The following FBN1 variants were observed in gnomAD, a reference collection of about 807,000 sequenced individuals.
FBN1 encodes fibrillin-1.
In FBN1, 29 loss-of-function variants were observed where a neutral mutation model predicts 365.1. That is an observed-to-expected ratio of 0.08 (90% CI 0.06 to 0.11). The LOEUF (loss-of-function observed/expected upper bound fraction) is 0.11. Among genes scored for constraint, FBN1 ranks in the 10% least tolerant of loss-of-function variants. FBN1 has a pLI of 1.00. For missense variants in FBN1, 2,476 were observed against 3,703.2 expected, an observed-to-expected ratio of 0.67 and a Z score of 8.60; for synonymous variants, 1,210 against 1,270.5, an observed-to-expected ratio of 0.95 and a Z score of 1.01.
At chr15:48,454,962 G>A (rs2043228240) in intron 44 of FBN1, among the ~76,000 whole-genome samples, 1 of 152,214 alleles carries the variant, frequency 6.6e-6, no homozygotes, top group African/African-American at 2.4e-5. Flanking sequence ...TGGAGAAACT[G>A]AGTAGTGTCA....
At chr15:48,502,939 A>G (rs2043673590) in intron 17 of FBN1, among the ~76,000 whole-genome samples, 1 of 152,182 alleles carries the variant, frequency 6.6e-6, no homozygotes, top group Non-Finnish European at 1.5e-5. Context: ...TTCTCTTTTC[A>G]TTAGGCCATG....
intron 2 of FBN1, among the ~76,000 whole-genome samples, chr15:48,631,564 G>T (rs747774850): frequency 6.6e-6 from 1 of 152,176 alleles, no homozygotes; most frequent in Non-Finnish European, 1.5e-5. Flanking sequence ...GTTCAGGCAG[G>T]ACTAACACAT....
intron 6 of FBN1, among the ~76,000 whole-genome samples, chr15:48,561,450 C>G (rs1809770394): frequency 6.6e-6 from 1 of 152,144 alleles, no homozygotes; most frequent in African/African-American, 2.4e-5. Flanking sequence ...ACTGAAAAGT[C>G]TTCCCATAAC....
At chr15:48,421,911 A>G (rs904421206) in intron 61 of FBN1, 41 bp downstream of exon 61, 20 of 1,448,638 alleles carry the variant, frequency 1.4e-5, no homozygotes, top group Middle Eastern at 1.7e-4. Flanking sequence ...CCTTAAAAGA[A>G]TCGCTACAAT....
chr15:48,607,048 G>A (rs2044618383), intron 4 of FBN1, among the ~76,000 whole-genome samples: 1 of 152,082 alleles, frequency 6.6e-6, no homozygotes, highest in Non-Finnish European at 1.5e-5. Flanking sequence ...CCAGCCTCCA[G>A]AACCACGAGC....
chr15:48,425,787 T>C lies in FBN1; in HGVS notation c.7282A>G (p.Ile2428Val), dbSNP rs1452251663. 1 of 1,612,910 alleles carries C rather than the reference T, an allele frequency of 6.2e-7. No homozygotes were observed. Among genetic ancestry groups the C allele is most frequent in the East Asian group, 2.2e-5 (1 of 44,860 alleles). The change falls in exon 59 of 66, where the codon ATT becomes GTT. Residue 2428 changes from isoleucine to valine, a missense_variant. Ile to Val is a conservative substitution (Grantham distance 29, BLOSUM62 3). This residue lies in a region of FBN1 where 1,780 missense variants were observed against 2,840.8 expected (regional missense o/e 0.63). Transcript: ENST00000316623. ...TCTGGAGTGTACCCAGTTTTACAAA[T>C]GCAATGATATGATCCTCTGTCATTG... The part of the protein sequence containing the change: ...CVNDRGSYHC[I>V]CKTGYTPDIT...
At chr15:48,417,398 CTCCT>C (rs1257232240) in intron 63 of FBN1, among the ~76,000 whole-genome samples, 1 of 150,560 alleles carries the variant, frequency 6.6e-6, no homozygotes, top group Non-Finnish European at 1.5e-5. Flanking sequence ...CTTTCCTTCT[CTCCT>C]TCCCTTTCTT....
chr15:48,578,712 T>C (rs2140683253), intron 6 of FBN1, among the ~76,000 whole-genome samples: 1 of 151,012 alleles, frequency 6.6e-6, no homozygotes, highest in East Asian at 2.0e-4. Context: ...TGTAGGGACA[T>C]GGATGAAATT....
At chr15:48,533,710 C>A (rs529732790) in intron 8 of FBN1, among the ~76,000 whole-genome samples, 1 of 152,074 alleles carries the variant, frequency 6.6e-6, no homozygotes, top group African/African-American at 2.4e-5. Context: ...AGAAAAACTT[C>A]GGAAGATATA....
At chr15:48,438,051 C>G in intron 50 of FBN1, 134 bp from the exon 51 acceptor site, 1 of 902,224 alleles carries the variant, frequency 1.1e-6, no homozygotes, top group Non-Finnish European at 1.8e-6. Flanking sequence ...TTACGTGATT[C>G]TAATGGTAAC....
chr15:48,607,900 C>T (rs1678981), intron 4 of FBN1, among the ~76,000 whole-genome samples: 11,789 of 152,222 alleles, frequency 0.077, 502 homozygotes, highest in Middle Eastern at 0.16. Context: ...TCCATCTGTA[C>T]CCTCAGAGAC....
intron 8 of FBN1, among the ~76,000 whole-genome samples, chr15:48,531,038 A>G (rs945213763): frequency 6.6e-6 from 1 of 152,206 alleles, no homozygotes; most frequent in Non-Finnish European, 1.5e-5. Flanking sequence ...AAAAATGTTC[A>G]TGTGTTCTTT....
At chr15:48,480,282 C>A (rs1039222818) in intron 32 of FBN1, among the ~76,000 whole-genome samples, 2 of 152,136 alleles carry the variant, frequency 1.3e-5, no homozygotes, top group Admixed American at 6.5e-5. Flanking sequence ...TTAGTTAAAA[C>A]ATAATACAGA....
At chr15:48,568,451 A>G (rs1286445217) in intron 6 of FBN1, among the ~76,000 whole-genome samples, 2 of 152,150 alleles carry the variant, frequency 1.3e-5, no homozygotes, top group Non-Finnish European at 2.9e-5. Context: ...CCTGTAGATT[A>G]AAGGTAATCT....
chr15:48,478,991 TA>T (rs2043446601), intron 32 of FBN1, among the ~76,000 whole-genome samples: 1 of 152,274 alleles, frequency 6.6e-6, no homozygotes, highest in Non-Finnish European at 1.5e-5. Context: ...CATATTTTCA[TA>T]ATTCTTTTCA....
intron 53 of FBN1, among the ~76,000 whole-genome samples, chr15:48,435,712 G>A (rs2413903): frequency 0.023 from 2,963 of 126,270 alleles, 6 homozygotes; most frequent in East Asian, 0.067. Flanking sequence ...GTATATATAT[G>A]TGTGTATATA....
chr15:48,454,924 T>C (rs747695512), intron 44 of FBN1, among the ~76,000 whole-genome samples: 14 of 152,112 alleles, frequency 9.2e-5, no homozygotes, highest in Non-Finnish European at 1.3e-4. Flanking sequence ...TCAGGATGTA[T>C]AGAAACACAG....
At chr15:48,454,159 C>A (rs1341019733) in intron 44 of FBN1, among the ~76,000 whole-genome samples, 1 of 152,224 alleles carries the variant, frequency 6.6e-6, no homozygotes, top group Non-Finnish European at 1.5e-5. Context: ...AATGCAGATT[C>A]TGACTTGGCA....
intron 13 of FBN1, 62 bp from the exon 14 acceptor site, chr15:48,510,231 TC>T: frequency 6.5e-7 from 1 of 1,540,700 alleles, no homozygotes; most frequent in East Asian, 2.3e-5. Flanking sequence ...TTATTTTATT[TC>T]CCCCTCCCTC....
Sources: gnomAD v4.1 joint callset for allele counts (sites outside exome capture counted in the v4.1 genomes callset) on GRCh38, gnomAD v4.1.1 for gene constraint, gnomAD v4.1.1 regional missense constraint, MANE v1.5 for transcripts, NCBI Gene and HGNC (gene_info 2026-07-23, HGNC 2026-07-21) for gene names.